RALGPS1: variants seen among roughly 807,000 people sequenced by gnomAD.
The protein encoded by RALGPS1 is Ral GEF with PH domain and SH3 binding motif 1, also known as ras-specific guanine nucleotide-releasing factor RalGPS1.
A neutral mutation model predicts 78.8 loss-of-function variants in RALGPS1; 19 were observed. The observed-to-expected ratio is 0.24, with a 90% CI of 0.17 to 0.35. RALGPS1 has a LOEUF of 0.35. Among genes scored for constraint, RALGPS1 ranks in the 10% least tolerant of loss-of-function variants. The pLI is 1.00. For missense variants in RALGPS1, 454 were observed against 688.3 expected (o/e 0.66, Z 3.81); for synonymous variants, 228 against 256.3 (o/e 0.89, Z 1.06).
chr9:127,023,894 A>G (rs1789237654), intron 4 of RALGPS1, among the ~76,000 whole-genome samples: 2 of 152,080 alleles, frequency 1.3e-5, no homozygotes, highest in Admixed American at 1.3e-4. Flanking sequence ...AAAATTAGCC[A>G]GGCATGGTGG....
intron 8 of RALGPS1, among the ~76,000 whole-genome samples, chr9:127,132,978 C>G (rs1382859108): frequency 6.6e-6 from 1 of 152,172 alleles, no homozygotes; most frequent in Non-Finnish European, 1.5e-5. Flanking sequence ...GCTGTGTGCC[C>G]TTATTCATGT....
chr9:127,055,034 A>G (rs1458221554), intron 7 of RALGPS1, among the ~76,000 whole-genome samples: 1 of 127,960 alleles, frequency 7.8e-6, no homozygotes, highest in African/African-American at 2.9e-5. Flanking sequence ...AGAGAGAGAG[A>G]GAGAGAAGAA....
rs1295381480 is a variant in RALGPS1 at position 127,183,726 on chromosome 9, C to G, written c.910+8944C>G. The G allele has an allele frequency of 1.4e-6, 1 of 713,922 alleles. No homozygotes were observed. Among genetic ancestry groups the G allele is most frequent in the African/African-American group, 1.8e-5 (1 of 55,856 alleles). 44.2% of individuals were successfully genotyped at this position (713,922 alleles called of 1,614,324 possible). On this transcript the variant is annotated intron_variant, in intron 11 of 18. Coordinates refer to ENST00000259351, the MANE Select transcript of RALGPS1 (RefSeq NM_014636.3). This position sits in a 1 kb window ranked among gnomAD's most constrained non-coding sequence, Gnocchi z 4.0. ...GCTGTAGGCCCTCTCTCCATGTGCT[C>G]CTCTCTCTGGAAACATACTCTCTCT...
chr9:126,945,130 C>T (rs561489528), intron 1 of RALGPS1, among the ~76,000 whole-genome samples: 1 of 152,280 alleles, frequency 6.6e-6, no homozygotes, highest in African/African-American at 2.4e-5. Context: ...CTCCTTCCTC[C>T]AGTTGCAAGG....
chr9:127,012,521 C>T (rs554976038), intron 4 of RALGPS1, among the ~76,000 whole-genome samples: 2 of 152,280 alleles, frequency 1.3e-5, no homozygotes, highest in East Asian at 1.9e-4. Context: ...ATTTCAGACC[C>T]GGGTGACACC....
At chr9:126,983,855 G>T (rs1361134725) in intron 4 of RALGPS1, among the ~76,000 whole-genome samples, 1 of 152,044 alleles carries the variant, frequency 6.6e-6, no homozygotes, top group Non-Finnish European at 1.5e-5. Context: ...TGGATTTTGG[G>T]TCAGTCTTTT....
At chr9:127,045,081 A>T (rs959727382) in intron 5 of RALGPS1, among the ~76,000 whole-genome samples, 1 of 152,030 alleles carries the variant, frequency 6.6e-6, no homozygotes, top group South Asian at 2.1e-4. Context: ...CTGGGTTTTT[A>T]TTTATTTATT....
intron 7 of RALGPS1, 68 bp downstream of exon 7, chr9:127,053,007 A>T: frequency 1.8e-6 from 2 of 1,107,432 alleles, no homozygotes; most frequent in South Asian, 2.5e-5. Context: ...TTCATTCCAC[A>T]AGCCCCAGCC....
At position 127,217,055 on chromosome 9, in the gene RALGPS1, A is replaced by G; in HGVS notation, c.1645-1685A>G. ...GGAGCAACAGTGGTAGCCCTGAGTA[A>G]AACCCATTGTCCCTCTTTGGAGGAG... On this transcript the variant is annotated intron_variant, in intron 18 of 18. Coordinates refer to ENST00000259351, the MANE Select transcript of RALGPS1 (RefSeq NM_014636.3). 1.0e-5 allele frequency: 15 copies of G among 1,448,088 alleles called. No individual in the cohort carries two copies. In the South Asian group the frequency reaches 2.2e-4, roughly 21 times the overall value. 89.7% of individuals were successfully genotyped at this position (1,448,088 alleles called of 1,614,324 possible).
intron 4 of RALGPS1, among the ~76,000 whole-genome samples, chr9:127,018,228 A>G (rs910793512): frequency 6.6e-6 from 1 of 151,546 alleles, no homozygotes; most frequent in African/African-American, 2.4e-5. Context: ...AAACAAAACA[A>G]AACAAAACCC....
intron 5 of RALGPS1, 107 bp from the exon 6 acceptor site, chr9:127,049,936 C>T: frequency 2.4e-6 from 2 of 821,468 alleles, no homozygotes; most frequent in Non-Finnish European, 4.2e-6. Flanking sequence ...GTTTCCTGAC[C>T]TCTTGGAAAT....
At chr9:126,915,050 C>T (rs2033960528) in intron 1 of RALGPS1, 75 bp downstream of exon 1, 1 of 141,814 alleles carries the variant, frequency 7.1e-6, no homozygotes, top group South Asian at 2.0e-4. Context: ...CGGGGCGGGG[C>T]GGGCCCTGAG....
intron 8 of RALGPS1, among the ~76,000 whole-genome samples, chr9:127,076,295 T>C (rs372726505): frequency 6.6e-6 from 1 of 152,210 alleles, no homozygotes; most frequent in African/African-American, 2.4e-5. Context: ...AGGAAATAAC[T>C]AAATTAGAAA....
chr9:127,201,224 T>C (rs189351721), intron 14 of RALGPS1, among the ~76,000 whole-genome samples: 2 of 152,376 alleles, frequency 1.3e-5, no homozygotes, highest in East Asian at 3.9e-4. Context: ...TTCCAAGCAC[T>C]GGTCTCATGG....
intron 1 of RALGPS1, among the ~76,000 whole-genome samples, chr9:126,940,042 G>C (rs954068419): frequency 1.3e-5 from 2 of 152,158 alleles, no homozygotes; most frequent in Non-Finnish European, 2.9e-5. Context: ...TTGAGTGCAG[G>C]GGTGTGGCTA....
intron 1 of RALGPS1, among the ~76,000 whole-genome samples, chr9:126,917,251 C>T (rs1287611581): frequency 6.6e-6 from 1 of 152,118 alleles, no homozygotes; most frequent in Admixed American, 6.5e-5. Context: ...TTGGCAGAAG[C>T]GGTGTTAATG....
chr9:126,996,256 A>T (rs1252225862), intron 4 of RALGPS1, among the ~76,000 whole-genome samples: 1 of 152,208 alleles, frequency 6.6e-6, no homozygotes, highest in Non-Finnish European at 1.5e-5. Context: ...GGTTTTTTTG[A>T]AAAGATCAAC....
chr9:127,047,497 G>A (rs555808035), intron 5 of RALGPS1, among the ~76,000 whole-genome samples: 1 of 152,174 alleles, frequency 6.6e-6, no homozygotes, highest in African/African-American at 2.4e-5. Flanking sequence ...TCAGGAGTTC[G>A]AGATCAGCCT....
chr9:127,008,167 T>C (rs994561237), intron 4 of RALGPS1, among the ~76,000 whole-genome samples: 1 of 147,438 alleles, frequency 6.8e-6, no homozygotes, highest in East Asian at 2.0e-4. Context: ...GATGTGGGGG[T>C]GGGGCGGGTA....
Sources: allele counts gnomAD v4.1 joint callset (sites outside exome capture counted in the v4.1 genomes callset), GRCh38; gene constraint gnomAD v4.1.1; non-coding constraint Gnocchi (gnomAD v3.1); transcripts MANE v1.5; gene names NCBI Gene and HGNC (gene_info 2026-07-23, HGNC 2026-07-21).